The following WWOX variants were observed in gnomAD, a reference collection of about 807,000 sequenced individuals.
WWOX encodes the protein WW domain containing oxidoreductase.
Under a neutral mutation model 46.2 loss-of-function variants are expected in WWOX, and 69 were observed. The observed-to-expected ratio is 1.49, with a 90% CI of 1.23 to 1.82. WWOX has a LOEUF of 1.82. Ranked by LOEUF, WWOX falls within the 40% of genes most tolerant of loss-of-function variation. WWOX has a pLI of 0.00. For missense variants in WWOX, 919 were observed against 542.6 expected (o/e 1.69, Z -6.89); for synonymous variants, 359 against 202.6 (o/e 1.77, Z -6.56).
intron 8 of WWOX, among the ~76,000 whole-genome samples, chr16:78,543,609 A>G (rs534543972): frequency 6.6e-6 from 1 of 152,182 alleles, no homozygotes; most frequent in African/African-American, 2.4e-5. Context: ...AAAGACTTGG[A>G]ATGCAAAAAC....
intron 8 of WWOX, among the ~76,000 whole-genome samples, chr16:78,927,753 G>A (rs1036942717): frequency 9.2e-5 from 14 of 152,088 alleles, no homozygotes; most frequent in African/African-American, 2.9e-4. Flanking sequence ...TTTTAGTTTC[G>A]TTTCATTGCT....
chr16:78,994,588 A>C (rs933857458), intron 8 of WWOX, among the ~76,000 whole-genome samples: 1 of 152,210 alleles, frequency 6.6e-6, no homozygotes, highest in Non-Finnish European at 1.5e-5. Context: ...TGCTTTGTGC[A>C]CAGATAACCT....
intron 8 of WWOX, among the ~76,000 whole-genome samples, chr16:78,453,676 A>G (rs928972793): frequency 2.0e-5 from 3 of 152,168 alleles, no homozygotes; most frequent in African/African-American, 7.2e-5. Context: ...TGAATAAAAC[A>G]TTTTAATCAG....
intron 8 of WWOX, among the ~76,000 whole-genome samples, chr16:78,883,513 C>G (rs74626936): frequency 0.022 from 3,370 of 152,232 alleles, 117 homozygotes; most frequent in Admixed American, 0.093. Context: ...CACTTGAGGT[C>G]AGGAGTTCGA....
chr16:78,441,475 T>C lies in WWOX; in HGVS notation c.1056+8723T>C, dbSNP rs183261657. 1.4e-4 allele frequency among the ~76,000 whole-genome samples: 21 copies of C among 152,116 alleles called. No homozygotes were observed. In the East Asian group the frequency reaches 3.5e-3, roughly 25 times the overall value. ...ATAAGGCAAGGAGACCTGCTGAGAGTCACACAGCAAGCCCCCAAGGTCCCC... is the reference window on the plus strand; with the variant it reads ...ATAAGGCAAGGAGACCTGCTGAGAGCCACACAGCAAGCCCCCAAGGTCCCC... On this transcript the variant is annotated intron_variant, in intron 8 of 8. Coordinates refer to ENST00000566780, the MANE Select transcript of WWOX (RefSeq NM_016373.4).
At chr16:78,332,879 A>C (rs2080793489) in intron 5 of WWOX, among the ~76,000 whole-genome samples, 1 of 152,106 alleles carries the variant, frequency 6.6e-6, no homozygotes, top group Non-Finnish European at 1.5e-5. Flanking sequence ...AGTTCAGTGT[A>C]AAGTTGCAAT....
intron 8 of WWOX, among the ~76,000 whole-genome samples, chr16:78,809,007 A>G (rs895899277): frequency 1.3e-5 from 2 of 152,074 alleles, no homozygotes; most frequent in African/African-American, 4.8e-5. Context: ...TATTATTCGG[A>G]ATTTTATGGC....
intron 5 of WWOX, among the ~76,000 whole-genome samples, chr16:78,232,678 C>G (rs1363114706): frequency 6.6e-6 from 1 of 152,120 alleles, no homozygotes; most frequent in Non-Finnish European, 1.5e-5. Flanking sequence ...TAGTTTTAAA[C>G]TTGAATTTAG....
intron 8 of WWOX, among the ~76,000 whole-genome samples, chr16:78,574,689 A>C (rs967553044): frequency 3.9e-5 from 6 of 151,902 alleles, no homozygotes; most frequent in Non-Finnish European, 8.8e-5. Flanking sequence ...AAGTCAAATA[A>C]GCCAGACACA....
chr16:79,067,014 G>A (rs2048453954), intron 8 of WWOX, among the ~76,000 whole-genome samples: 1 of 152,200 alleles, frequency 6.6e-6, no homozygotes, highest in African/African-American at 2.4e-5. Context: ...CCACAGTTAA[G>A]TGCTCTGTTG....
At chr16:78,382,129 G>T (rs185090723) in intron 5 of WWOX, among the ~76,000 whole-genome samples, 20 of 152,286 alleles carry the variant, frequency 1.3e-4, no homozygotes, top group African/African-American at 4.3e-4. Flanking sequence ...AACAAGCCCA[G>T]AGAGGTAGAC....
rs1020232133 is a variant in WWOX, at chr16:78,952,039, G to C, written c.1057-259569G>C. ...CCACAGCAATGATTTTATACTGTCTGTAGGGTAAAGACAGACCCCTAATCA... is the reference window on the plus strand; with the variant it reads ...CCACAGCAATGATTTTATACTGTCTCTAGGGTAAAGACAGACCCCTAATCA... On this transcript the variant is annotated intron_variant, in intron 8 of 8. Transcript: ENST00000566780. Among the ~76,000 whole-genome samples the C allele has an allele frequency of 3.3e-5, 5 of 152,250 alleles. 1 individual carries two copies. Among genetic ancestry groups the C allele is most frequent in the African/African-American group, 1.2e-4 (5 of 41,546 alleles).
At chr16:78,547,287 T>TAATACA (rs990625972) in intron 8 of WWOX, among the ~76,000 whole-genome samples, 32 of 152,246 alleles carry the variant, frequency 2.1e-4, no homozygotes, top group African/African-American at 7.7e-4. Flanking sequence ...TCTTTCAAAT[T>TAATACA]AATACAATTC....
At chr16:79,086,425 T>G (rs181681559) in intron 8 of WWOX, among the ~76,000 whole-genome samples, 1 of 152,322 alleles carries the variant, frequency 6.6e-6, no homozygotes, top group Admixed American at 6.5e-5. Context: ...TTTGAGGGTA[T>G]TGAGCTCTAA....
At chr16:79,056,001 C>A (rs924697822) in intron 8 of WWOX, among the ~76,000 whole-genome samples, 4 of 152,100 alleles carry the variant, frequency 2.6e-5, no homozygotes, top group Admixed American at 2.6e-4. Context: ...GCCTAATCTT[C>A]TATTTAGCAA....
intron 8 of WWOX, among the ~76,000 whole-genome samples, chr16:78,968,643 G>A (rs950456285): frequency 6.6e-6 from 1 of 152,190 alleles, no homozygotes; most frequent in African/African-American, 2.4e-5. Context: ...AAAAGCACAA[G>A]CCCCAGCTGC....
intron 5 of WWOX, among the ~76,000 whole-genome samples, chr16:78,294,996 A>C (rs930162552): frequency 1.3e-5 from 2 of 152,154 alleles, no homozygotes; most frequent in Non-Finnish European, 2.9e-5. Context: ...GTCTCCTGGT[A>C]GGCCATGCTC....
chr16:78,790,487 AG>A (rs1443336267), intron 8 of WWOX, among the ~76,000 whole-genome samples: 1 of 152,144 alleles, frequency 6.6e-6, no homozygotes, highest in Non-Finnish European at 1.5e-5. Context: ...CCTCTAGAAA[AG>A]TCAGAAGGTC....
At chr16:78,623,397 T>C (rs1181316275) in intron 8 of WWOX, among the ~76,000 whole-genome samples, 1 of 152,070 alleles carries the variant, frequency 6.6e-6, no homozygotes, top group Non-Finnish European at 1.5e-5. Flanking sequence ...CTGTACTCTT[T>C]GGCCAGACAC....
Sources: allele counts gnomAD v4.1 joint callset (sites outside exome capture counted in the v4.1 genomes callset), GRCh38; gene constraint gnomAD v4.1.1; transcripts MANE v1.5; gene names NCBI Gene and HGNC (gene_info 2026-07-23, HGNC 2026-07-21).